The following PTPRN2 variants were observed in gnomAD, a reference collection of about 807,000 sequenced individuals.
The protein encoded by PTPRN2 is receptor-type tyrosine-protein phosphatase N2.
A neutral mutation model predicts 118.8 loss-of-function variants in PTPRN2; 74 were observed. The observed-to-expected ratio is 0.62, with a 90% CI of 0.52 to 0.76. The LOEUF is 0.76. Ranked by LOEUF, PTPRN2 falls within the 30% of genes least tolerant of loss-of-function variation. The pLI is 0.00. For synonymous variants in PTPRN2, 641 were observed against 608.0 expected (o/e 1.05, Z -0.80); for missense variants, 1,481 against 1,394.4 (o/e 1.06, Z -0.99).
At position 158,175,944 on chromosome 7, in the gene PTPRN2, G is replaced by A. The variant is rs565176459; in HGVS notation, c.550-8653C>T. Among the ~76,000 whole-genome samples, 19 of 151,150 alleles carry A rather than the reference G, an allele frequency of 1.3e-4. No individual in the cohort carries two copies. In the South Asian group the frequency reaches 1.9e-3, roughly 15 times the overall value. ...TGCCCTGCTCAAGACTCGCGACACC[G>A]TGAGGCCAGTGCTGATCTCACCCCG... On this transcript the variant is annotated intron_variant, in intron 5 of 22. Transcript: ENST00000389418.
At chr7:158,523,584 T>C (rs374962789) in intron 1 of PTPRN2, among the ~76,000 whole-genome samples, 452 of 50,912 alleles carry the variant, frequency 8.9e-3, no homozygotes, top group East Asian at 0.039. Flanking sequence ...TGCCCTGGAG[T>C]GGAGTCATCT....
At chr7:158,313,100 G>C (rs116242672) in intron 3 of PTPRN2, among the ~76,000 whole-genome samples, 118 of 152,036 alleles carry the variant, frequency 7.8e-4, no homozygotes, top group African/African-American at 2.8e-3. Flanking sequence ...ATGTGTATGA[G>C]TGTGCAAGTG....
intron 3 of PTPRN2, among the ~76,000 whole-genome samples, chr7:158,270,955 A>G (rs540634263): frequency 4.0e-4 from 3 of 7,428 alleles, no homozygotes; most frequent in South Asian, 3.9e-3. Context: ...CCCCACCTGG[A>G]CCACCCCTCC....
At chr7:157,847,978 GA>G (rs1808989960) in intron 12 of PTPRN2, among the ~76,000 whole-genome samples, 1 of 151,860 alleles carries the variant, frequency 6.6e-6, no homozygotes, top group Non-Finnish European at 1.5e-5. Context: ...GATGTTTACA[GA>G]GCCCTCTTTC....
Position 158,525,619 on chromosome 7 carries a change from A to C in PTPRN2, c.113-35834T>G, listed in dbSNP as rs1381365749. 6.6e-6 allele frequency among the ~76,000 whole-genome samples: 1 copy of C among 152,280 alleles called. No homozygotes were observed. Among genetic ancestry groups the C allele is most frequent in the South Asian group, 2.1e-4 (1 of 4,822 alleles). Reference sequence around the variant, plus strand: ...ATGGAGTATTAATAGTGCCGTGTTTAATTATTATTCAGCATAATCACACAT... The same window carrying C: ...ATGGAGTATTAATAGTGCCGTGTTTCATTATTATTCAGCATAATCACACAT... On this transcript the variant is annotated intron_variant, in intron 1 of 22. Transcript: ENST00000389418. The surrounding 1 kb of genome is among the most constrained non-coding windows in gnomAD (Gnocchi z 4.1).
intron 2 of PTPRN2, among the ~76,000 whole-genome samples, chr7:158,319,348 T>G (rs1334772360): frequency 6.6e-6 from 1 of 151,970 alleles, no homozygotes; most frequent in Non-Finnish European, 1.5e-5. Context: ...GAGTGGAAAG[T>G]AGGGATATTT....
intron 12 of PTPRN2, among the ~76,000 whole-genome samples, chr7:157,715,168 A>T (rs2150899834): frequency 6.6e-6 from 1 of 152,142 alleles, no homozygotes; most frequent in East Asian, 1.9e-4. Context: ...TGAGAAAAGC[A>T]CCCCCTGCAG....
intron 2 of PTPRN2, among the ~76,000 whole-genome samples, chr7:158,387,526 T>G (rs1811536039): frequency 2.6e-5 from 4 of 152,308 alleles, no homozygotes; most frequent in South Asian, 2.1e-4. Flanking sequence ...AAGCACTCTC[T>G]GGGTCCTGGG....
chr7:158,382,548 C>T (rs527462195), intron 2 of PTPRN2, among the ~76,000 whole-genome samples: 2 of 152,188 alleles, frequency 1.3e-5, no homozygotes, highest in Non-Finnish European at 1.5e-5. Flanking sequence ...GGCCATGAAC[C>T]AGTACAAGAA....
intron 11 of PTPRN2, among the ~76,000 whole-genome samples, chr7:158,021,374 G>A (rs1405423364): frequency 2.0e-5 from 3 of 152,154 alleles, no homozygotes; most frequent in Non-Finnish European, 2.9e-5. Flanking sequence ...TGCATATAAT[G>A]CTTTTCTAAT....
rs895350320 is a variant in PTPRN2 at position 158,167,751 on chromosome 7, C to T, written c.550-460G>A. Among the ~76,000 whole-genome samples, 21 of 152,312 alleles carry T rather than the reference C, an allele frequency of 1.4e-4. 1 individual carries two copies. The highest frequency in any genetic ancestry group is 1.1e-3 in the Admixed American group (17 of 15,304). ...GACGTTTGGTGTAAATGGAATCACA[C>T]CATGTGTGGCATCTGTGCCTGGCTC... On this transcript the variant is annotated intron_variant, in intron 5 of 22. Coordinates refer to ENST00000389418, the MANE Select transcript of PTPRN2 (RefSeq NM_002847.5).
intron 12 of PTPRN2, among the ~76,000 whole-genome samples, chr7:157,746,093 C>T (rs971649077): frequency 3.3e-5 from 5 of 151,080 alleles, no homozygotes; most frequent in African/African-American, 7.3e-5. Context: ...CCTCCCTACA[C>T]CCCACAGTCC....
chr7:158,144,062 C>A (rs1231258634), intron 6 of PTPRN2, among the ~76,000 whole-genome samples: 1 of 152,180 alleles, frequency 6.6e-6, no homozygotes, highest in East Asian at 1.9e-4. Context: ...GTTCCATTAA[C>A]CGTTCTTCTG....
At chr7:158,074,670 T>C (rs1050656172) in intron 11 of PTPRN2, among the ~76,000 whole-genome samples, 2 of 152,146 alleles carry the variant, frequency 1.3e-5, no homozygotes. Context: ...TTCTCCCTGA[T>C]CAGGGTATGA....
chr7:158,190,639 C>T (rs1825683048), intron 5 of PTPRN2, among the ~76,000 whole-genome samples: 1 of 152,192 alleles, frequency 6.6e-6, no homozygotes, highest in African/African-American at 2.4e-5. Context: ...CCCCACCCTC[C>T]ACCATGAGGG....
intron 21 of PTPRN2, among the ~76,000 whole-genome samples, chr7:157,556,612 AC>A (rs1458786514): frequency 1.3e-5 from 2 of 149,204 alleles, no homozygotes; most frequent in East Asian, 4.0e-4. Flanking sequence ...CACACACCCC[AC>A]ACATCATACA....
At chr7:158,533,788 A>G (rs1040035073) in intron 1 of PTPRN2, among the ~76,000 whole-genome samples, 16 of 152,160 alleles carry the variant, frequency 1.1e-4, no homozygotes, top group African/African-American at 3.6e-4. Context: ...CATGCTCACA[A>G]TGCCTCGGGG....
At chr7:157,916,468 C>T (rs1392138198) in intron 11 of PTPRN2, among the ~76,000 whole-genome samples, 1 of 152,220 alleles carries the variant, frequency 6.6e-6, no homozygotes, top group Non-Finnish European at 1.5e-5. Context: ...ACACAACAAA[C>T]TGCTCTCCTC....
intron 1 of PTPRN2, among the ~76,000 whole-genome samples, chr7:158,566,208 A>T (rs962938884): frequency 3.3e-5 from 5 of 152,086 alleles, no homozygotes; most frequent in African/African-American, 1.2e-4. Flanking sequence ...CAAAAAATTA[A>T]CTGGGCGTGG....
Sources: gnomAD v4.1 joint callset for allele counts (sites outside exome capture counted in the v4.1 genomes callset) on GRCh38, gnomAD v4.1.1 for gene constraint, Gnocchi (gnomAD v3.1) non-coding constraint, MANE v1.5 for transcripts, NCBI Gene and HGNC (gene_info 2026-07-23, HGNC 2026-07-21) for gene names.